The following LIN28B variants were observed in gnomAD, a reference collection of about 807,000 sequenced individuals.
LIN28B encodes the protein lin-28 RNA binding posttranscriptional regulator B.
Under a neutral mutation model 21.9 loss-of-function variants are expected in LIN28B, and 5 were observed. The observed-to-expected ratio is 0.23, with a 90% CI of 0.12 to 0.48. The LOEUF (loss-of-function observed/expected upper bound fraction) is 0.48. Ranked by LOEUF, LIN28B falls within the 20% of genes least tolerant of loss-of-function variation. The pLI is 0.98. For synonymous variants in LIN28B, 109 were observed against 111.3 expected, an observed-to-expected ratio of 0.98 and a Z score of 0.13; for missense variants, 245 against 310.5, an observed-to-expected ratio of 0.79 and a Z score of 1.58.
intron 2 of LIN28B, among the ~76,000 whole-genome samples, chr6:104,947,113 A>G (rs1237196745): frequency 6.6e-6 from 1 of 152,126 alleles, no homozygotes; most frequent in Non-Finnish European, 1.5e-5. Flanking sequence ...TCTGAGCTTA[A>G]CAGCTTGGCA....
intron 2 of LIN28B, among the ~76,000 whole-genome samples, chr6:104,991,355 C>G (rs1263032941): frequency 2.7e-5 from 4 of 147,898 alleles, no homozygotes; most frequent in East Asian, 2.1e-4. Context: ...CGGGCAGAGA[C>G]GCTCCTCACC....
chr6:104,937,346 G>C (rs923890638), intron 2 of LIN28B, among the ~76,000 whole-genome samples: 1 of 152,096 alleles, frequency 6.6e-6, no homozygotes, highest in African/African-American at 2.4e-5. Context: ...CTGGGGTGCA[G>C]GGCCGCAGTC....
Position 105,070,173 on chromosome 6 carries a change from T to G in LIN28B, c.384-8241T>G, listed in dbSNP as rs189726753. 4.5e-3 allele frequency among the ~76,000 whole-genome samples: 683 copies of G among 152,318 alleles called. 3 individuals are homozygous for G. Among genetic ancestry groups the G allele is most frequent in the Admixed American group, 6.8e-3 (104 of 15,304 alleles). On this transcript the variant is annotated intron_variant, in intron 3 of 3. Transcript: ENST00000345080. The stretch of plus-strand genomic sequence containing the variant: ...TGCACATCACCATCTCCTGGGAAAC[T>G]TTAAAAAGTACTGATGCTTAGGGCA...
At chr6:105,074,940 C>T (rs1309528920) in intron 3 of LIN28B, among the ~76,000 whole-genome samples, 6 of 152,126 alleles carry the variant, frequency 3.9e-5, no homozygotes, top group African/African-American at 1.2e-4. Context: ...CTCCTGACCT[C>T]AAGTGATCTG....
At chr6:105,017,537 G>T (rs1771054358) in intron 2 of LIN28B, among the ~76,000 whole-genome samples, 1 of 152,172 alleles carries the variant, frequency 6.6e-6, no homozygotes, top group Admixed American at 6.6e-5. Flanking sequence ...TTGTATTCCT[G>T]AAATATATTA....
intron 2 of LIN28B, among the ~76,000 whole-genome samples, chr6:105,010,059 A>C (rs973126315): frequency 2.6e-5 from 4 of 152,162 alleles, no homozygotes; most frequent in African/African-American, 9.7e-5. Context: ...TGTTAGTAGC[A>C]TCCAATATAA....
At chr6:104,975,406 A>T (rs780117022) in intron 2 of LIN28B, among the ~76,000 whole-genome samples, 18 of 152,150 alleles carry the variant, frequency 1.2e-4, no homozygotes, top group African/African-American at 4.3e-4. Flanking sequence ...ATGCTTGCTA[A>T]CACTAAATCC....
intron 2 of LIN28B, among the ~76,000 whole-genome samples, chr6:105,000,734 T>G (rs1000759393): frequency 5.9e-5 from 9 of 151,984 alleles, no homozygotes; most frequent in African/African-American, 2.2e-4. Context: ...TCACTAAATA[T>G]AAGATTTACT....
chr6:104,976,705 G>A (rs1770102927), intron 2 of LIN28B, among the ~76,000 whole-genome samples: 1 of 152,144 alleles, frequency 6.6e-6, no homozygotes. Context: ...GCCTGAGAAG[G>A]CATTTCATAT....
intron 2 of LIN28B, among the ~76,000 whole-genome samples, chr6:104,980,451 G>A (rs1035169579): frequency 6.6e-6 from 1 of 152,152 alleles, no homozygotes; most frequent in Non-Finnish European, 1.5e-5. Flanking sequence ...GTGACATGGA[G>A]TTCCCAGGAG....
chr6:104,999,426 A>G (rs542011995), intron 2 of LIN28B, among the ~76,000 whole-genome samples: 1 of 152,230 alleles, frequency 6.6e-6, no homozygotes, highest in South Asian at 2.1e-4. Context: ...GGCATAACCC[A>G]CCTAACCCAG....
At chr6:104,972,781 G>T (rs1770005711) in intron 2 of LIN28B, among the ~76,000 whole-genome samples, 1 of 151,736 alleles carries the variant, frequency 6.6e-6, no homozygotes, top group African/African-American at 2.4e-5. Flanking sequence ...TTATTTTTTT[G>T]GATATTATAT....
At chr6:105,002,270 C>G (rs552076818) in intron 2 of LIN28B, among the ~76,000 whole-genome samples, 13 of 149,642 alleles carry the variant, frequency 8.7e-5, no homozygotes, top group African/African-American at 2.7e-4. Context: ...AGATCCTGCT[C>G]TCTGATACAT....
In LIN28B at chr6:105,010,720, T is replaced by C. The variant is rs545396873; in HGVS notation, c.199-15578T>C. 2.0e-5 allele frequency among the ~76,000 whole-genome samples: 3 copies of C among 152,308 alleles called. No individual in the cohort carries two copies. In the South Asian group the frequency reaches 6.2e-4, roughly 32 times the overall value. ...ATTAACTAGAGTTCACTATCTTTTTTGAGGTAAAATTGATACACAGTGAAA... is the reference window on the plus strand; with the variant it reads ...ATTAACTAGAGTTCACTATCTTTTTCGAGGTAAAATTGATACACAGTGAAA... On this transcript the variant is annotated intron_variant, in intron 2 of 3. Transcript: ENST00000345080.
Position 104,957,334 on chromosome 6 carries a change from T to G in LIN28B, c.10+74T>G, listed in dbSNP as rs1446452806. The G allele has an allele frequency of 3.7e-5, 31 of 840,254 alleles. No homozygotes were observed. In the African/African-American group the frequency reaches 1.4e-3, roughly 39 times the overall value. 52.0% of individuals were successfully genotyped at this position (840,254 alleles called of 1,614,324 possible). On this transcript the variant is annotated intron_variant, in intron 1 of 3. Transcript: ENST00000345080. ...TCCTCCCCCTCCCCCTCTCCCACCCTTCTTAGACCGTCCCCCCCTTCCCCT... is the reference window on the plus strand; with the variant it reads ...TCCTCCCCCTCCCCCTCTCCCACCCGTCTTAGACCGTCCCCCCCTTCCCCT...
intron 3 of LIN28B, among the ~76,000 whole-genome samples, chr6:105,033,959 A>G (rs1771473742): frequency 1.3e-5 from 2 of 151,776 alleles, no homozygotes; most frequent in African/African-American, 2.4e-5. Flanking sequence ...GTTTATATTA[A>G]CAGATATGTT....
At chr6:105,057,711 T>C (rs971117042) in intron 3 of LIN28B, among the ~76,000 whole-genome samples, 1 of 152,142 alleles carries the variant, frequency 6.6e-6, no homozygotes, top group African/African-American at 2.4e-5. Context: ...AATTGAAGTA[T>C]GTATTAGTTT....
At chr6:104,959,299 A>T (rs1769670939) in intron 2 of LIN28B, among the ~76,000 whole-genome samples, 2 of 152,206 alleles carry the variant, frequency 1.3e-5, no homozygotes, top group African/African-American at 4.8e-5. Context: ...TAAGTTAAAA[A>T]GAATTGAATG....
chr6:105,004,929 G>C (rs551039143), intron 2 of LIN28B, among the ~76,000 whole-genome samples: 50 of 152,126 alleles, frequency 3.3e-4, no homozygotes, highest in African/African-American at 1.1e-3. Context: ...CTTTCCTTTA[G>C]TTTCATCTTG....
Sources: gnomAD v4.1 joint callset for allele counts (sites outside exome capture counted in the v4.1 genomes callset) on GRCh38, gnomAD v4.1.1 for gene constraint, MANE v1.5 for transcripts, NCBI Gene and HGNC (gene_info 2026-07-23, HGNC 2026-07-21) for gene names.